Variants in CAMK2D observed in about 807,000 individuals in gnomAD.
The protein encoded by CAMK2D is calcium/calmodulin-dependent protein kinase type II subunit delta.
CAMK2D carries 37 observed loss-of-function variants against 84.0 expected under a neutral mutation model. That is an observed-to-expected ratio of 0.44 (90% CI 0.34 to 0.58). The LOEUF (loss-of-function observed/expected upper bound fraction) is 0.58, where lower values mean the gene tolerates loss of function less well. Among genes scored for constraint, CAMK2D ranks in the 20% least tolerant of loss-of-function variants. CAMK2D has a pLI of 0.02. For missense variants in CAMK2D, 448 were observed against 652.5 expected (o/e 0.69, Z 3.41); for synonymous variants, 202 against 212.5 (o/e 0.95, Z 0.43).
chr4:113,757,151 A>G (rs952524751), intron 2 of CAMK2D, among the ~76,000 whole-genome samples: 5 of 152,180 alleles, frequency 3.3e-5, no homozygotes, highest in Admixed American at 6.5e-5. Context: ...TAAGTAGTAG[A>G]GCAAAGATTC....
chr4:113,743,587 CTCA>C (rs1378685347), intron 2 of CAMK2D, among the ~76,000 whole-genome samples: 6 of 152,330 alleles, frequency 3.9e-5, no homozygotes, highest in African/African-American at 1.4e-4. Context: ...GTGCTGTTTT[CTCA>C]CTCTTGGTGC....
At chr4:113,496,608 CCA>C (rs1459095848) in intron 16 of CAMK2D, among the ~76,000 whole-genome samples, 5 of 151,950 alleles carry the variant, frequency 3.3e-5, no homozygotes, top group Admixed American at 6.6e-5. Flanking sequence ...ACCACAGTGC[CCA>C]GCTAATTTTT....
chr4:113,759,433 C>T lies in CAMK2D; in HGVS notation c.66-19G>A. On this transcript the variant is annotated intron_variant, in intron 1 of 20. Transcript: ENST00000511664. ...TGCCCCCCTGGAAACCAATAATTAG[C>T]AGGTCATTAATATAACAGATATAAT... 7.0e-7 allele frequency: 1 copy of T among 1,431,868 alleles called. No homozygotes were observed. The highest frequency in any genetic ancestry group is 9.7e-7 in the Non-Finnish European group (1 of 1,025,696). 88.7% of individuals were successfully genotyped at this position (1,431,868 alleles called of 1,614,324 possible). A position where few individuals can be genotyped will look rare whatever the true frequency, so the allele number is the denominator to read the frequency against.
intron 3 of CAMK2D, among the ~76,000 whole-genome samples, chr4:113,610,286 G>C (rs906117141): frequency 1.3e-5 from 2 of 152,018 alleles, no homozygotes; most frequent in Non-Finnish European, 2.9e-5. Context: ...ATCTTCACTG[G>C]GAGCAAAAGA....
At chr4:113,499,877 C>G (rs1324935079) in intron 16 of CAMK2D, among the ~76,000 whole-genome samples, 1 of 152,048 alleles carries the variant, frequency 6.6e-6, no homozygotes, top group Non-Finnish European at 1.5e-5. Context: ...TGTGCAGGGG[C>G]ACTGAGAAGA....
intron 2 of CAMK2D, among the ~76,000 whole-genome samples, chr4:113,739,592 T>C (rs2099588363): frequency 6.6e-6 from 1 of 152,200 alleles, no homozygotes; most frequent in Admixed American, 6.5e-5. Flanking sequence ...CTAGTAATAA[T>C]TGACATGAGT....
At chr4:113,714,626 G>A (rs11098200) in intron 2 of CAMK2D, among the ~76,000 whole-genome samples, 23,289 of 152,016 alleles carry the variant, frequency 0.15, 1,966 homozygotes, top group East Asian at 0.21. Context: ...CACAAGAGGA[G>A]GGGAGTTAAG....
At chr4:113,630,692 G>A (rs181916336) in intron 3 of CAMK2D, among the ~76,000 whole-genome samples, 1 of 152,094 alleles carries the variant, frequency 6.6e-6, no homozygotes, top group African/African-American at 2.4e-5. Flanking sequence ...CACAGCCCTC[G>A]ACCACCACAT....
At chr4:113,732,321 C>T (rs2099570950) in intron 2 of CAMK2D, among the ~76,000 whole-genome samples, 1 of 151,964 alleles carries the variant, frequency 6.6e-6, no homozygotes, top group South Asian at 2.1e-4. Flanking sequence ...CAGGGTCTCC[C>T]TATGTTGTCC....
chr4:113,485,788 T>C (rs2097760446), intron 16 of CAMK2D, among the ~76,000 whole-genome samples: 1 of 152,206 alleles, frequency 6.6e-6, no homozygotes, highest in African/African-American at 2.4e-5. Context: ...CTCCCATAAC[T>C]AGCACCTTCC....
At chr4:113,757,222 G>C (rs538779179) in intron 2 of CAMK2D, among the ~76,000 whole-genome samples, 3 of 152,112 alleles carry the variant, frequency 2.0e-5, no homozygotes, top group African/African-American at 7.2e-5. Context: ...TTTCATAAAA[G>C]TAATCTAATT....
At chr4:113,505,582 TCTC>T (rs1341537041) in intron 13 of CAMK2D, among the ~76,000 whole-genome samples, 1 of 152,020 alleles carries the variant, frequency 6.6e-6, no homozygotes, top group Non-Finnish European at 1.5e-5. Context: ...CAAGTGTAGA[TCTC>T]CTCTAAAAAT....
intron 9 of CAMK2D, 57 bp downstream of exon 9, chr4:113,517,506 G>T: frequency 1.3e-6 from 1 of 750,122 alleles, no homozygotes; most frequent in Non-Finnish European, 2.2e-6. Context: ...TCTGGCTCTT[G>T]GTCAACAGGC....
intron 2 of CAMK2D, among the ~76,000 whole-genome samples, chr4:113,755,374 G>A (rs553857328): frequency 6.6e-6 from 1 of 152,002 alleles, no homozygotes; most frequent in South Asian, 2.1e-4. Context: ...AAGTTTTACA[G>A]AAATATAAAA....
intron 2 of CAMK2D, among the ~76,000 whole-genome samples, chr4:113,703,524 T>C (rs1194878953): frequency 2.6e-5 from 4 of 152,166 alleles, no homozygotes; most frequent in African/African-American, 9.7e-5. Context: ...GGTATTGCTA[T>C]GTTGCCCAGG....
At chr4:113,512,555 G>T (rs539028291) in intron 12 of CAMK2D, among the ~76,000 whole-genome samples, 1 of 152,050 alleles carries the variant, frequency 6.6e-6, no homozygotes, top group Middle Eastern at 3.2e-3. Flanking sequence ...AGAGAACTGG[G>T]TTCCTCAATA....
At chr4:113,559,296 T>C (rs1181024655) in intron 4 of CAMK2D, among the ~76,000 whole-genome samples, 1 of 152,248 alleles carries the variant, frequency 6.6e-6, no homozygotes, top group Non-Finnish European at 1.5e-5. Flanking sequence ...TCAATACCTA[T>C]GCTATCTCTT....
chr4:113,603,773 T>TTTTATATATATATATATATA (rs1447833124), intron 4 of CAMK2D, among the ~76,000 whole-genome samples: 2 of 127,994 alleles, frequency 1.6e-5, no homozygotes, highest in African/African-American at 6.5e-5. Context: ...TCTTGCTATT[T>TTTTATATATATATATATATA]TATATATATA....
chr4:113,616,160 C>G (rs2099020096), intron 3 of CAMK2D, among the ~76,000 whole-genome samples: 1 of 152,074 alleles, frequency 6.6e-6, no homozygotes, highest in African/African-American at 2.4e-5. Flanking sequence ...AAGCAATTGA[C>G]TGCTTACACT....
Sources: allele counts gnomAD v4.1 joint callset (sites outside exome capture counted in the v4.1 genomes callset), GRCh38; gene constraint gnomAD v4.1.1; transcripts MANE v1.5; gene names NCBI Gene and HGNC (gene_info 2026-07-23, HGNC 2026-07-21).